CPED1: variants seen among roughly 807,000 people sequenced by gnomAD.
The protein encoded by CPED1 is cadherin like and PC-esterase domain containing 1.
A neutral mutation model predicts 128.2 loss-of-function variants in CPED1; 114 were observed. The observed-to-expected ratio is 0.89, with a 90% CI of 0.76 to 1.04. CPED1 has a LOEUF of 1.04. Among genes scored for constraint, CPED1 ranks in the 50% least tolerant of loss-of-function variants. The pLI, the probability that CPED1 is intolerant of heterozygous loss-of-function variation, is 0.00. For synonymous variants in CPED1, 462 were observed against 426.7 expected (o/e 1.08, Z -1.02); for missense variants, 1,211 against 1,207.1 (o/e 1.00, Z -0.05).
intron 2 of CPED1, among the ~76,000 whole-genome samples, chr7:121,013,419 T>C (rs1308962040): frequency 6.6e-6 from 1 of 152,220 alleles, no homozygotes; most frequent in African/African-American, 2.4e-5. Context: ...ACAGTTCTAT[T>C]CTTTTTCATT....
At chr7:121,141,236 T>C (rs555044952) in intron 15 of CPED1, among the ~76,000 whole-genome samples, 4 of 152,168 alleles carry the variant, frequency 2.6e-5, no homozygotes, top group Admixed American at 1.3e-4. Context: ...ATATGAAATA[T>C]AGAGAAGATC....
At chr7:121,013,357 T>C (rs2116804966) in intron 2 of CPED1, among the ~76,000 whole-genome samples, 1 of 152,312 alleles carries the variant, frequency 6.6e-6, no homozygotes, top group Middle Eastern at 3.4e-3. Flanking sequence ...AAGGAAAATA[T>C]CTAATCAATC....
intron 18 of CPED1, among the ~76,000 whole-genome samples, chr7:121,251,431 C>T (rs1798670302): frequency 6.6e-6 from 1 of 152,122 alleles, no homozygotes; most frequent in Admixed American, 6.5e-5. Context: ...TCTCTCACCA[C>T]TCCTATTCAA....
At chr7:121,199,522 C>T (rs1424255637) in intron 16 of CPED1, among the ~76,000 whole-genome samples, 1 of 151,012 alleles carries the variant, frequency 6.6e-6, no homozygotes, top group Non-Finnish European at 1.5e-5. Context: ...ACTAAGAATA[C>T]AAAAATTAGC....
intron 7 of CPED1, among the ~76,000 whole-genome samples, chr7:121,119,090 TCTGA>T (rs1482334814): frequency 1.3e-5 from 2 of 152,140 alleles, no homozygotes; most frequent in African/African-American, 4.8e-5. Context: ...TTTCTCTTGT[TCTGA>T]CTAATTATGT....
intron 4 of CPED1, among the ~76,000 whole-genome samples, chr7:121,048,142 T>C (rs905439743): frequency 1.3e-5 from 2 of 152,164 alleles, no homozygotes; most frequent in African/African-American, 4.8e-5. Context: ...ATCCTGAAAT[T>C]TCAACAACCA....
chr7:121,160,063 T>C lies in CPED1; in HGVS notation c.2055+17922T>C, dbSNP rs183657959. Reference sequence around the variant, plus strand: ...ATTGAACTTGTGAGTTGAAAAACAGTATAAACAATTCCTATACACTTTACA... The same window carrying C: ...ATTGAACTTGTGAGTTGAAAAACAGCATAAACAATTCCTATACACTTTACA... On this transcript the variant is annotated intron_variant, in intron 16 of 22. Coordinates refer to ENST00000310396, the MANE Select transcript of CPED1 (RefSeq NM_024913.5). Among the ~76,000 whole-genome samples the C allele has an allele frequency of 3.9e-5, 6 of 152,222 alleles. No individual in the cohort carries two copies. In the East Asian group the frequency reaches 9.6e-4, roughly 24 times the overall value.
At chr7:121,036,673 T>G (rs1792902388) in intron 3 of CPED1, among the ~76,000 whole-genome samples, 1 of 152,100 alleles carries the variant, frequency 6.6e-6, no homozygotes, top group Non-Finnish European at 1.5e-5. Context: ...GATGGCTGAA[T>G]CAAATAGTAG....
At chr7:121,264,571 G>A (rs1246616220) in intron 18 of CPED1, among the ~76,000 whole-genome samples, 1 of 152,034 alleles carries the variant, frequency 6.6e-6, no homozygotes, top group Non-Finnish European at 1.5e-5. Context: ...AAGCTTTCTA[G>A]ATTTCTTCAT....
At chr7:121,183,665 A>T (rs754697638) in intron 16 of CPED1, among the ~76,000 whole-genome samples, 2 of 152,176 alleles carry the variant, frequency 1.3e-5, no homozygotes, top group Non-Finnish European at 2.9e-5. Context: ...TGGGGACTGG[A>T]TATGAATAGA....
At chr7:121,204,813 A>G (rs1797482178) in intron 16 of CPED1, among the ~76,000 whole-genome samples, 1 of 152,156 alleles carries the variant, frequency 6.6e-6, no homozygotes, top group South Asian at 2.1e-4. Flanking sequence ...GGCAGAAATA[A>G]TAGAGGATTA....
intron 16 of CPED1, among the ~76,000 whole-genome samples, chr7:121,153,593 G>A (rs1280386523): frequency 6.6e-6 from 1 of 152,108 alleles, no homozygotes; most frequent in African/African-American, 2.4e-5. Context: ...TGAATAAAAG[G>A]AGGCACAAAG....
chr7:120,990,901 C>T (rs755467221), intron 2 of CPED1, among the ~76,000 whole-genome samples: 12 of 152,140 alleles, frequency 7.9e-5, no homozygotes, highest in South Asian at 2.1e-4. Flanking sequence ...TTATTTATTT[C>T]GTTTCAGACT....
intron 5 of CPED1, among the ~76,000 whole-genome samples, chr7:121,083,492 T>C (rs796301728): frequency 5.9e-5 from 9 of 152,310 alleles, no homozygotes; most frequent in African/African-American, 1.9e-4. Flanking sequence ...GGAATGTTAA[T>C]TAATGAATGC....
rs1216157705 is a variant in CPED1, at chr7:121,120,988, C to CAAAAAAAAAAAAAAAAAAAAAAAAAAA, written c.919-3336_919-3335insAAAAAAAAAAAAAAAAAAAAAAAAAAA. Among the ~76,000 whole-genome samples the CAAAAAAAAAAAAAAAAAAAAAAAAAAA allele has an allele frequency of 1.7e-5, 2 of 120,988 alleles. 1 individual carries two copies. The highest frequency in any genetic ancestry group is 3.4e-5 in the Non-Finnish European group (2 of 59,368). The allele number at this position is 120,988 out of a possible 152,430, so 79.4% of individuals were successfully genotyped here. The stretch of plus-strand genomic sequence containing the variant: ...ACCTAAAAAAAAAAAAAAAAAAAAA[C>CAAAAAAAAAAAAAAAAAAAAAAAAAAA]AAAAAAACTCACAGTCTAGCAGAAA... On this transcript the variant is annotated intron_variant, in intron 7 of 22. Transcript: ENST00000310396.
chr7:121,010,325 C>T (rs1792126813), intron 2 of CPED1, among the ~76,000 whole-genome samples: 1 of 152,092 alleles, frequency 6.6e-6, no homozygotes, highest in African/African-American at 2.4e-5. Context: ...GATCTCAGCT[C>T]ATTGCACCCT....
At chr7:121,249,668 G>T (rs1798623458) in intron 18 of CPED1, among the ~76,000 whole-genome samples, 2 of 152,016 alleles carry the variant, frequency 1.3e-5, no homozygotes, top group Admixed American at 1.3e-4. Flanking sequence ...ATTACAAGAG[G>T]TCCTTAAGGG....
intron 16 of CPED1, among the ~76,000 whole-genome samples, chr7:121,229,400 GTGT>G (rs72130929): frequency 0.016 from 2,360 of 152,082 alleles, 65 homozygotes; most frequent in African/African-American, 0.054. Context: ...AACTCAGGAT[GTGT>G]TATCTTGCTT....
chr7:121,000,100 T>C (rs1267160036), intron 2 of CPED1, among the ~76,000 whole-genome samples: 1 of 152,154 alleles, frequency 6.6e-6, no homozygotes, highest in Non-Finnish European at 1.5e-5. Context: ...AAGGGCTTCC[T>C]GTTATCAACT....
Sources: allele counts gnomAD v4.1 joint callset (sites outside exome capture counted in the v4.1 genomes callset), GRCh38; gene constraint gnomAD v4.1.1; transcripts MANE v1.5; gene names NCBI Gene and HGNC (gene_info 2026-07-23, HGNC 2026-07-21).